SLC24A2: variants seen among roughly 807,000 people sequenced by gnomAD.
The protein encoded by SLC24A2 is solute carrier family 24 member 2.
SLC24A2 carries 36 observed loss-of-function variants against 62.0 expected under a neutral mutation model. That is an observed-to-expected ratio of 0.58 (90% CI 0.44 to 0.77). The LOEUF (loss-of-function observed/expected upper bound fraction) is 0.77. Among genes scored for constraint, SLC24A2 ranks in the 30% least tolerant of loss-of-function variants. SLC24A2 has a pLI of 0.00. For synonymous variants in SLC24A2, 358 were observed against 294.0 expected, an observed-to-expected ratio of 1.22 and a Z score of -2.23; for missense variants, 846 against 817.9, an observed-to-expected ratio of 1.03 and a Z score of -0.42.
rs559494306 is a variant in SLC24A2, at chr9:19,548,541, T to A, written c.1479+1596A>T. Among the ~76,000 whole-genome samples the A allele has an allele frequency of 3.3e-5, 5 of 152,316 alleles. No homozygotes were observed. In the South Asian group the frequency reaches 1.0e-3, roughly 32 times the overall value. On this transcript the variant is annotated intron_variant, in intron 8 of 10. Coordinates refer to ENST00000341998, the MANE Select transcript of SLC24A2 (RefSeq NM_020344.4). ...TCAGGGTTGGGAAGGACTTTTAGAA[T>A]AAAGGCTGGCAAAATGTTCATCCTC...
the SLC24A2 span, among the ~76,000 whole-genome samples, chr9:20,103,218 C>A: frequency 2.6e-5 from 4 of 152,194 alleles, no homozygotes; most frequent in Non-Finnish European, 5.9e-5. Context: ...GTGGAGCCCA[C>A]CACAGCTCAA....
chr9:19,573,061 C>T (rs1835884844), intron 7 of SLC24A2, among the ~76,000 whole-genome samples: 1 of 152,122 alleles, frequency 6.6e-6, no homozygotes, highest in Non-Finnish European at 1.5e-5. Flanking sequence ...GGTATATGGC[C>T]CAGGGATCTA....
intron 2 of SLC24A2, among the ~76,000 whole-genome samples, chr9:19,682,492 G>A (rs955387208): frequency 1.3e-5 from 2 of 152,054 alleles, no homozygotes; most frequent in Admixed American, 6.6e-5. Context: ...TAGTAAAGGG[G>A]AAAAACTTCA....
At chr9:20,107,643 TG>T in the SLC24A2 span, among the ~76,000 whole-genome samples, 2 of 152,116 alleles carry the variant, frequency 1.3e-5, no homozygotes, top group Non-Finnish European at 2.9e-5. Flanking sequence ...GCTAGCCATA[TG>T]GAGAAAGCTG....
chr9:19,980,588 G>A, the SLC24A2 span, among the ~76,000 whole-genome samples: 1 of 152,142 alleles, frequency 6.6e-6, no homozygotes, highest in Non-Finnish European at 1.5e-5. Context: ...GAAAGGAATA[G>A]AGAGAATGTT....
At chr9:19,869,905 G>A in the SLC24A2 span, among the ~76,000 whole-genome samples, 1 of 152,058 alleles carries the variant, frequency 6.6e-6, no homozygotes, top group Non-Finnish European at 1.5e-5. Context: ...TCAATCTGAA[G>A]GACTTCCTTT....
the SLC24A2 span, among the ~76,000 whole-genome samples, chr9:20,055,151 C>A: frequency 1.3e-5 from 2 of 152,118 alleles, no homozygotes; most frequent in African/African-American, 4.8e-5. Context: ...CATCCACCTA[C>A]ACATCCCCTT....
the SLC24A2 span, among the ~76,000 whole-genome samples, chr9:19,831,734 C>T: frequency 6.6e-6 from 1 of 152,172 alleles, no homozygotes; most frequent in East Asian, 1.9e-4. Flanking sequence ...AAAAAAATCT[C>T]AAGCCTTCAC....
the SLC24A2 span, among the ~76,000 whole-genome samples, chr9:19,956,252 A>G: frequency 6.6e-6 from 1 of 152,246 alleles, no homozygotes; most frequent in African/African-American, 2.4e-5. Context: ...AAAGTTGTCT[A>G]AACTAGTCAG....
At chr9:19,706,823 C>A (rs1199201899) in intron 2 of SLC24A2, among the ~76,000 whole-genome samples, 1 of 151,976 alleles carries the variant, frequency 6.6e-6, no homozygotes, top group South Asian at 2.1e-4. Flanking sequence ...AAAATTGACA[C>A]CCTAACATCA....
chr9:19,590,347 C>CT (rs1185714173), intron 5 of SLC24A2, among the ~76,000 whole-genome samples: 4 of 151,980 alleles, frequency 2.6e-5, no homozygotes, highest in Non-Finnish European at 4.4e-5. Context: ...GATCCTTCAC[C>CT]TTTTTTTTCT....
chr9:19,519,167 A>G (rs1186336510), intron 10 of SLC24A2, among the ~76,000 whole-genome samples: 2 of 152,204 alleles, frequency 1.3e-5, no homozygotes, highest in Non-Finnish European at 2.9e-5. Context: ...TAATTTATTC[A>G]TAGATGCCTC....
the SLC24A2 span, among the ~76,000 whole-genome samples, chr9:19,827,573 T>C: frequency 6.6e-6 from 1 of 152,150 alleles, no homozygotes; most frequent in Non-Finnish European, 1.5e-5. Flanking sequence ...CATATATTTT[T>C]ACATTTCTGG....
chr9:19,596,589 T>A (rs565323974), intron 5 of SLC24A2, among the ~76,000 whole-genome samples: 1 of 152,282 alleles, frequency 6.6e-6, no homozygotes, highest in East Asian at 1.9e-4. Context: ...ACATCTTATA[T>A]AAATCTCTAC....
intron 1 of SLC24A2, among the ~76,000 whole-genome samples, chr9:19,787,929 A>C (rs983572089): frequency 2.0e-5 from 3 of 152,244 alleles, no homozygotes; most frequent in African/African-American, 7.2e-5. Context: ...TAGGTTAGAT[A>C]TCCAAAGCAG....
At chr9:20,005,641 G>A in the SLC24A2 span, among the ~76,000 whole-genome samples, 1 of 151,974 alleles carries the variant, frequency 6.6e-6, no homozygotes, top group Non-Finnish European at 1.5e-5. Flanking sequence ...GAGGTGGGGT[G>A]GGGTGGGACA....
the SLC24A2 span, among the ~76,000 whole-genome samples, chr9:20,035,892 T>C: frequency 1.3e-5 from 2 of 152,234 alleles, no homozygotes; most frequent in Admixed American, 6.5e-5. Flanking sequence ...AAGAAAGTTA[T>C]CAATAGCAGA....
the SLC24A2 span, among the ~76,000 whole-genome samples, chr9:20,295,290 AT>A: frequency 6.6e-6 from 1 of 152,190 alleles, no homozygotes. Context: ...AGAGATTAGT[AT>A]ATTTTCAGTT....
At chr9:20,240,781 T>C in the SLC24A2 span, among the ~76,000 whole-genome samples, 25 of 152,240 alleles carry the variant, frequency 1.6e-4, no homozygotes, top group Admixed American at 3.3e-4. Flanking sequence ...GAAGAGGGCT[T>C]CTAAGAAGAG....
Sources: allele counts gnomAD v4.1 joint callset (sites outside exome capture counted in the v4.1 genomes callset), GRCh38; gene constraint gnomAD v4.1.1; transcripts MANE v1.5; gene names NCBI Gene and HGNC (gene_info 2026-07-23, HGNC 2026-07-21).